AGR3: variants seen among roughly 807,000 people sequenced by gnomAD.
AGR3 encodes anterior gradient 3, protein disulphide isomerase family member, also known as anterior gradient protein 3.
AGR3 carries 37 observed loss-of-function variants against 24.5 expected under a neutral mutation model. The observed-to-expected ratio is 1.51, with a 90% CI of 1.16 to 1.99. The LOEUF (loss-of-function observed/expected upper bound fraction) is 1.99. Among genes scored for constraint, AGR3 ranks in the 30% most tolerant of loss-of-function variants. AGR3 has a pLI of 0.00. For missense variants in AGR3, 228 were observed against 191.1 expected (o/e 1.19, Z -1.14); for synonymous variants, 75 against 61.6 (o/e 1.22, Z -1.02).
Position 16,860,556 on chromosome 7 carries a change from A to C in AGR3, c.395T>G (p.Ile132Arg), listed in dbSNP as rs758007407. Residue 132 changes from isoleucine to arginine, a missense_variant, in exon 7 of 8, where the codon ATA becomes AGA. Coordinates refer to ENST00000310398, the MANE Select transcript of AGR3 (RefSeq NM_176813.5). ...VDPSLTVRAD[I>R]AGRYSNRLYT... ...CAATCTGTTAGAGTATCTTCCAGCTATGTCAGCTCTAACTGTTAAAGAAGG... is the reference window on the plus strand; with the variant it reads ...CAATCTGTTAGAGTATCTTCCAGCTCTGTCAGCTCTAACTGTTAAAGAAGG... 1 of 1,613,776 alleles carries C rather than the reference A, an allele frequency of 6.2e-7. No individual in the cohort carries two copies. The highest frequency in any genetic ancestry group is 1.1e-5 in the South Asian group (1 of 90,994).
At chr7:16,871,620 A>G (rs1387891036) in intron 3 of AGR3, among the ~76,000 whole-genome samples, 1 of 152,184 alleles carries the variant, frequency 6.6e-6, no homozygotes, top group African/African-American at 2.4e-5. Flanking sequence ...AGGTGGACGT[A>G]TCACCTGAGA....
At chr7:16,866,682 T>G (rs1781764924) in intron 3 of AGR3, among the ~76,000 whole-genome samples, 1 of 152,144 alleles carries the variant, frequency 6.6e-6, no homozygotes, top group South Asian at 2.1e-4. Flanking sequence ...TGGTTTGTCT[T>G]TCTTATAAAA....
At chr7:16,863,793 C>G (rs1047736708) in intron 3 of AGR3, among the ~76,000 whole-genome samples, 1 of 151,750 alleles carries the variant, frequency 6.6e-6, no homozygotes, top group African/African-American at 2.4e-5. Context: ...TAAATTGTTT[C>G]CAATCTCTTG....
At chr7:16,875,945 T>G (rs753933348) in intron 2 of AGR3, among the ~76,000 whole-genome samples, 8 of 152,188 alleles carry the variant, frequency 5.3e-5, no homozygotes, top group Non-Finnish European at 8.8e-5. Context: ...ACGAGGCCTC[T>G]GCTGAATTTT....
intron 3 of AGR3, among the ~76,000 whole-genome samples, chr7:16,872,109 C>T (rs930116186): frequency 2.0e-5 from 3 of 151,698 alleles, no homozygotes; most frequent in Admixed American, 6.6e-5. Context: ...AAAAAATCTT[C>T]AAATTTGTAT....
At chr7:16,862,164 C>T (rs1005909938) in intron 4 of AGR3, 104 bp from the exon 5 acceptor site, 10 of 881,510 alleles carry the variant, frequency 1.1e-5, no homozygotes, top group African/African-American at 1.0e-4. Context: ...GCATATATAA[C>T]TCAGGTGTAA....
chr7:16,868,765 C>T lies in AGR3; in HGVS notation c.173+5015G>A, dbSNP rs563973859. ...GGGTATATAGAATGATTTTTAAATA[C>T]CGCTTTAATTTTAAGTGGATTGTGA... On this transcript the variant is annotated intron_variant, in intron 3 of 7. Coordinates refer to ENST00000310398, the MANE Select transcript of AGR3 (RefSeq NM_176813.5). Among the ~76,000 whole-genome samples the T allele has an allele frequency of 2.0e-4, 30 of 152,124 alleles. No individual in the cohort carries two copies. The South Asian group carries it at 6.2e-3, about 32-fold the overall frequency.
At chr7:16,881,518 G>A (rs1782116346) in intron 1 of AGR3, among the ~76,000 whole-genome samples, 1 of 152,170 alleles carries the variant, frequency 6.6e-6, no homozygotes, top group African/African-American at 2.4e-5. Context: ...AAATGCATTT[G>A]GGAGGCACAT....
chr7:16,859,212 A>G (rs1465946507), downstream of AGR3, among the ~76,000 whole-genome samples: 1 of 150,446 alleles, frequency 6.6e-6, no homozygotes, highest in African/African-American at 2.4e-5. Context: ...AGCCTGGGCA[A>G]CATAGTGAGA....
chr7:16,862,544 G>A (rs1274765448), intron 4 of AGR3, 66 bp downstream of exon 4: 2 of 1,040,424 alleles, frequency 1.9e-6, no homozygotes, highest in African/African-American at 1.7e-5. Context: ...TTATTACCAG[G>A]TCACTTTTCC....
At chr7:16,878,669 A>C in intron 1 of AGR3, 24 bp from the exon 2 acceptor site, 14 of 1,476,552 alleles carry the variant, frequency 9.5e-6, no homozygotes, top group Non-Finnish European at 1.3e-5. Flanking sequence ...AGGAATTCTC[A>C]GAATCCAGTG....
chr7:16,860,418 C>G (rs1283743096), intron 7 of AGR3, 82 bp downstream of exon 7: 1 of 1,036,328 alleles, frequency 9.6e-7, no homozygotes, highest in African/African-American at 1.6e-5. Context: ...TGTAGAAGCA[C>G]TGATGTAGGG....
At chr7:16,874,113 A>G (rs922128572) in intron 2 of AGR3, among the ~76,000 whole-genome samples, 1 of 152,174 alleles carries the variant, frequency 6.6e-6, no homozygotes, top group Non-Finnish European at 1.5e-5. Context: ...TTATGATTAG[A>G]GCTGATTGAA....
intron 5 of AGR3, 135 bp from the exon 6 acceptor site, chr7:16,861,582 A>G: frequency 1.4e-6 from 1 of 701,860 alleles, no homozygotes; most frequent in South Asian, 2.0e-5. Flanking sequence ...ATTAACCAAT[A>G]TTTAGCTCTT....
chr7:16,859,231 C>CAA (rs35424582), downstream of AGR3, among the ~76,000 whole-genome samples: 4,308 of 148,206 alleles, frequency 0.029, 192 homozygotes, highest in East Asian at 0.17. Context: ...GACTGCATCT[C>CAA]AAAAAAAAAA....
At chr7:16,875,214 C>G (rs1238235480) in intron 2 of AGR3, among the ~76,000 whole-genome samples, 1 of 152,076 alleles carries the variant, frequency 6.6e-6, no homozygotes, top group African/African-American at 2.4e-5. Context: ...ACATTTTCAT[C>G]TCCTCAAAAA....
At chr7:16,862,570 AT>A in intron 4 of AGR3, 39 bp downstream of exon 4, 1 of 1,244,730 alleles carries the variant, frequency 8.0e-7, no homozygotes, top group South Asian at 2.0e-5. Flanking sequence ...TATATTGGAA[AT>A]ATTATATATT....
chr7:16,861,014 ATTTATAAT>A (rs1781631400), intron 6 of AGR3, among the ~76,000 whole-genome samples: 3 of 24,464 alleles, frequency 1.2e-4, no homozygotes, highest in East Asian at 4.9e-3. Context: ...TGTCAAACCA[ATTTATAAT>A]CTAAAACAAA....
chr7:16,855,941 A>G (rs1781551188), downstream of AGR3, among the ~76,000 whole-genome samples: 1 of 152,128 alleles, frequency 6.6e-6, no homozygotes, highest in South Asian at 2.1e-4. Context: ...TTCATCCCCT[A>G]TAATATACCT....
Sources: allele counts gnomAD v4.1 joint callset (sites outside exome capture counted in the v4.1 genomes callset), GRCh38; gene constraint gnomAD v4.1.1; transcripts MANE v1.5; gene names NCBI Gene and HGNC (gene_info 2026-07-23, HGNC 2026-07-21).